The following CMTR1 variants were observed in gnomAD, a reference collection of about 807,000 sequenced individuals.
CMTR1 encodes the protein cap methyltransferase 1.
In CMTR1, 39 loss-of-function variants were observed where a neutral mutation model predicts 107.0. That is an observed-to-expected ratio of 0.36 (90% CI 0.28 to 0.48). The LOEUF (loss-of-function observed/expected upper bound fraction) is 0.48. Ranked by LOEUF, CMTR1 falls within the 20% of genes least tolerant of loss-of-function variation. CMTR1 has a pLI of 0.99. For synonymous variants in CMTR1, 366 were observed against 379.5 expected (o/e 0.96, Z 0.41); for missense variants, 672 against 1,064.9 (o/e 0.63, Z 5.14).
chr6:37,433,958 T>C (rs1481596777), intron 1 of CMTR1, among the ~76,000 whole-genome samples: 1 of 152,216 alleles, frequency 6.6e-6, no homozygotes, highest in Non-Finnish European at 1.5e-5. Flanking sequence ...CTCCTGCCTT[T>C]CACACAGCTG....
intron 2 of CMTR1, among the ~76,000 whole-genome samples, chr6:37,438,705 C>T (rs1017685520): frequency 9.2e-5 from 14 of 152,182 alleles, no homozygotes; most frequent in Non-Finnish European, 1.6e-4. Context: ...GCTTAAAATG[C>T]GTCACAGTTT....
At chr6:37,471,197 A>C in intron 14 of CMTR1, 120 bp downstream of exon 14, 3 of 824,330 alleles carry the variant, frequency 3.6e-6, no homozygotes, top group Non-Finnish European at 5.7e-6. Flanking sequence ...CTTTTTTCTC[A>C]TACTCTGCTA....
chr6:37,446,419 G>T lies in CMTR1; in HGVS notation c.414G>T (p.Glu138Asp). The change falls in exon 4 of 24, where the codon GAG becomes GAT. Residue 138 changes from glutamate (E) to aspartate (D), a missense_variant. Coordinates refer to ENST00000373451, the MANE Select transcript of CMTR1 (RefSeq NM_015050.3). ...LGLTLRGFDQ[E>D]LNVDWRDEPE... ...TGACACTCCGGGGCTTTGACCAGGAGCTGAACGTGGACTGGCGAGATGAGC... is the reference window on the plus strand; with the variant it reads ...TGACACTCCGGGGCTTTGACCAGGATCTGAACGTGGACTGGCGAGATGAGC... The T allele has an allele frequency of 6.2e-7, 1 of 1,613,932 alleles. No individual in the cohort carries two copies. The highest frequency in any genetic ancestry group is 8.5e-7 in the Non-Finnish European group (1 of 1,180,012).
rs1373123796 is a variant in CMTR1, at chr6:37,481,234, C to T, written c.*1089C>T. On this transcript the variant is annotated 3_prime_UTR_variant, in exon 24 of 24. Coordinates refer to ENST00000373451, the MANE Select transcript of CMTR1 (RefSeq NM_015050.3). Reference sequence around the variant, plus strand: ...CAGTAGCTTGGGGTGGGGGTGGGCACCTGTGGTTGTTTTTAATGGGAAATA... The same window carrying T: ...CAGTAGCTTGGGGTGGGGGTGGGCATCTGTGGTTGTTTTTAATGGGAAATA... 15 of 1,295,094 alleles carry T rather than the reference C, an allele frequency of 1.2e-5. No individual in the cohort carries two copies. In the South Asian group the frequency reaches 1.6e-4, roughly 14 times the overall value. 80.2% of individuals were successfully genotyped at this position (1,295,094 alleles called of 1,614,324 possible).
At chr6:37,440,004 A>C (rs1771633725) in intron 2 of CMTR1, among the ~76,000 whole-genome samples, 1 of 152,152 alleles carries the variant, frequency 6.6e-6, no homozygotes, top group African/African-American at 2.4e-5. Flanking sequence ...GCCATGTGAA[A>C]AATTTTGCCA....
intron 2 of CMTR1, among the ~76,000 whole-genome samples, chr6:37,442,400 A>G (rs1201893202): frequency 1.3e-5 from 2 of 152,250 alleles, no homozygotes; most frequent in South Asian, 2.1e-4. Flanking sequence ...AAGGAGTCAT[A>G]TACTCTGTAG....
chr6:37,425,295 C>A, the CMTR1 span, among the ~76,000 whole-genome samples: 2 of 97,068 alleles, frequency 2.1e-5, no homozygotes, highest in Non-Finnish European at 4.0e-5. Context: ...GCAATAAATT[C>A]TTTCTTTTTT....
chr6:37,432,515 C>T (rs1771406498), upstream of CMTR1, among the ~76,000 whole-genome samples: 2 of 152,022 alleles, frequency 1.3e-5, no homozygotes, highest in African/African-American at 4.8e-5. Context: ...ATTTGAAAGA[C>T]AATTAGGAGG....
chr6:37,427,459 C>T, the CMTR1 span, among the ~76,000 whole-genome samples: 1 of 152,216 alleles, frequency 6.6e-6, no homozygotes, highest in African/African-American at 2.4e-5. This position sits in a 1 kb window ranked among gnomAD's most constrained non-coding sequence, Gnocchi z 4.4. Flanking sequence ...TATTTTACCA[C>T]TTTCAGTGGA....
chr6:37,446,746 C>G (rs1374046078), intron 4 of CMTR1, among the ~76,000 whole-genome samples: 3 of 152,196 alleles, frequency 2.0e-5, no homozygotes, highest in African/African-American at 7.2e-5. Flanking sequence ...CAGCTCTCCA[C>G]TAGTGGACTA....
chr6:37,471,190 T>C, intron 14 of CMTR1, 113 bp downstream of exon 14: 1 of 913,354 alleles, frequency 1.1e-6, no homozygotes, highest in Non-Finnish European at 1.7e-6. Context: ...ACACCTGCTT[T>C]TTTCTCATAC....
At chr6:37,473,345 G>A in intron 16 of CMTR1, 125 bp from the exon 17 acceptor site, 2 of 981,278 alleles carry the variant, frequency 2.0e-6, no homozygotes, top group Non-Finnish European at 3.1e-6. Flanking sequence ...GGGTGCAGGG[G>A]AGCATATTTC....
chr6:37,425,938 C>T, the CMTR1 span, among the ~76,000 whole-genome samples: 1 of 152,100 alleles, frequency 6.6e-6, no homozygotes, highest in African/African-American at 2.4e-5. Flanking sequence ...CCGTGGTGTC[C>T]CAGAGGCCCC....
At chr6:37,427,869 G>T in the CMTR1 span, among the ~76,000 whole-genome samples, 1 of 152,094 alleles carries the variant, frequency 6.6e-6, no homozygotes, top group African/African-American at 2.4e-5. The surrounding 1 kb of genome is among the most constrained non-coding windows in gnomAD (Gnocchi z 4.4). Context: ...CACGTTGACT[G>T]TTCTTTTCTT....
At chr6:37,432,065 G>C (rs1202073008), upstream of CMTR1, among the ~76,000 whole-genome samples, 1 of 152,148 alleles carries the variant, frequency 6.6e-6, no homozygotes, top group Non-Finnish European at 1.5e-5. Context: ...TGATCCATCC[G>C]CCTCAGCCTC....
In CMTR1 at chr6:37,459,550, T is replaced by A. The variant is rs1231933498; in HGVS notation, c.977-16T>A. The A allele has an allele frequency of 6.2e-7, 1 of 1,606,938 alleles. No homozygotes were observed. The highest frequency in any genetic ancestry group is 8.5e-7 in the Non-Finnish European group (1 of 1,173,646). ...ATAGGGCAGATGAACTCACTATGAC[T>A]CTTGTATTCTGACAGGTGAGGGTGG... is the stretch of plus-strand genomic sequence containing the variant. On this transcript the variant is annotated splice_polypyrimidine_tract_variant and intron_variant, in intron 9 of 23. Transcript: ENST00000373451.
chr6:37,424,489 C>T, the CMTR1 span, among the ~76,000 whole-genome samples: 11 of 152,070 alleles, frequency 7.2e-5, 1 homozygote, highest in African/African-American at 1.9e-4. Context: ...CCTCGTGATC[C>T]GCCCACCTCG....
At chr6:37,443,021 A>AC (rs1771706786) in intron 2 of CMTR1, among the ~76,000 whole-genome samples, 1 of 152,224 alleles carries the variant, frequency 6.6e-6, no homozygotes, top group Non-Finnish European at 1.5e-5. Context: ...GTCAAAAAAT[A>AC]TAAAAAGATA....
chr6:37,452,023 C>T (rs1761183248), intron 6 of CMTR1, 146 bp downstream of exon 6: 2 of 632,426 alleles, frequency 3.2e-6, no homozygotes, highest in Non-Finnish European at 5.6e-6. Context: ...TTCATATCTG[C>T]AAATTGTCTT....
Sources: gnomAD v4.1 joint callset for allele counts (sites outside exome capture counted in the v4.1 genomes callset) on GRCh38, gnomAD v4.1.1 for gene constraint, Gnocchi (gnomAD v3.1) non-coding constraint, MANE v1.5 for transcripts, NCBI Gene and HGNC (gene_info 2026-07-23, HGNC 2026-07-21) for gene names.